Variants in ARL2 observed in about 807,000 individuals in gnomAD.
ARL2 encodes ARF like GTPase 2, also known as ADP-ribosylation factor-like protein 2.
Under a neutral mutation model 22.0 loss-of-function variants are expected in ARL2, and 11 were observed. That is an observed-to-expected ratio of 0.50 (90% CI 0.31 to 0.83). ARL2 has a LOEUF of 0.83. Ranked by LOEUF, ARL2 falls within the 40% of genes least tolerant of loss-of-function variation. The pLI is 0.04. For missense variants in ARL2, 216 were observed against 243.2 expected (o/e 0.89, Z 0.74); for synonymous variants, 111 against 100.8 (o/e 1.10, Z -0.61).
At position 65,021,976 on chromosome 11, in the gene ARL2, TGCTGCTACTGCTGCCC is replaced by T; in HGVS notation, c.*128_*143del. 7.3e-7 allele frequency: 1 copy of T among 1,368,042 alleles called. No individual in the cohort carries two copies. The highest frequency in any genetic ancestry group is 9.9e-7 in the Non-Finnish European group (1 of 1,010,744). 84.7% of individuals were successfully genotyped at this position (1,368,042 alleles called of 1,614,324 possible). On this transcript the variant is annotated 3_prime_UTR_variant, in exon 5 of 5. Transcript: ENST00000246747. ...CTCCCCCTCCTCCACCCCAGCCTGC[TGCTGCTACTGCTGCCC>T]GCTGCTGCTCTGTGGCCACCCGGCT...
chr11:65,018,686 C>T lies in ARL2; in HGVS notation c.292C>T (p.Arg98Cys), dbSNP rs753529299. The T allele has an allele frequency of 4.3e-6, 7 of 1,614,172 alleles. No homozygotes were observed. In the Admixed American group the frequency reaches 5.0e-5, roughly 12 times the overall value. ...GGTAGTGGACAGCGCAGACCGCCAGCGCATGCAGGACTGCCAGCGGGAGCT... is the reference window on the plus strand; with the variant it reads ...GGTAGTGGACAGCGCAGACCGCCAGTGCATGCAGGACTGCCAGCGGGAGCT... ...IWVVDSADRQ[R>C]MQDCQRELQS... is the part of the protein sequence containing the mutation. The change falls in exon 3 of 5, where the codon CGC becomes TGC. Residue 98 changes from arginine (R) to cysteine (C), a missense_variant. Physicochemically the swap from Arg to Cys is radical, Grantham distance 180. Transcript: ENST00000246747. The surrounding 1 kb of genome is among the most constrained non-coding windows in gnomAD (Gnocchi z 4.2).
chr11:65,020,884 A>AG (rs1565185152), intron 4 of ARL2, among the ~76,000 whole-genome samples: 2 of 150,526 alleles, frequency 1.3e-5, no homozygotes, highest in African/African-American at 5.0e-5. Flanking sequence ...AAAAAAAAAA[A>AG]AAGAAAGAAG....
rs145553607 is a variant in ARL2, at chr11:65,019,345, G to A, written c.339+612G>A. ...ATCACGAGGTCAGGAGATCGAGACC[G>A]TCCTGGCTAACATGGTGAAACCCCG... On this transcript the variant is annotated intron_variant, in intron 3 of 4. Transcript: ENST00000246747. 1,544 of 162,732 alleles carry A rather than the reference G, an allele frequency of 9.5e-3. 26 individuals are homozygous for A. Among genetic ancestry groups the A allele is most frequent in the African/African-American group, 0.035 (1,471 of 41,572 alleles). The allele number at this position is 162,732 out of a possible 1,614,324, so 10.1% of individuals were successfully genotyped here.
chr11:65,017,938 C>T (rs983809851), intron 1 of ARL2, among the ~76,000 whole-genome samples: 1 of 152,260 alleles, frequency 6.6e-6, no homozygotes, highest in Non-Finnish European at 1.5e-5. Context: ...GCTCCAGACA[C>T]CTCAGAGAGG....
chr11:65,021,093 G>A (rs1946322438), intron 4 of ARL2, among the ~76,000 whole-genome samples: 1 of 152,140 alleles, frequency 6.6e-6, no homozygotes, highest in Non-Finnish European at 1.5e-5. Context: ...TCCTTGCATG[G>A]ATTAACTCAT....
Position 65,018,612 on chromosome 11 carries a change from T to C in ARL2, c.218T>C (p.Leu73Pro). The C allele has an allele frequency of 6.2e-7, 1 of 1,613,382 alleles. No homozygotes were observed. ...TGGGATGTGGGTGGCCAGAAGTCCCTGCGGTCCTACTGGCGGAACTACTTT... is the reference window on the plus strand; with the variant it reads ...TGGGATGTGGGTGGCCAGAAGTCCCCGCGGTCCTACTGGCGGAACTACTTT... ...NIWDVGGQKSLRSYWRNYFES... is the reference protein window; with the variant it reads ...NIWDVGGQKSPRSYWRNYFES... The change falls in exon 3 of 5, where the codon CTG becomes CCG. Residue 73 changes from leucine to proline, a missense_variant. Leu to Pro is a moderately conservative substitution (Grantham distance 98, BLOSUM62 -3). Transcript: ENST00000246747. The surrounding 1 kb of genome is among the most constrained non-coding windows in gnomAD (Gnocchi z 4.2).
intron 1 of ARL2, 141 bp downstream of exon 1, chr11:65,014,413 G>C: frequency 1.5e-6 from 1 of 648,792 alleles, no homozygotes; most frequent in Non-Finnish European, 2.5e-6. Context: ...CCCATCAATC[G>C]CCCCGTCGGG....
At chr11:65,015,077 A>G (rs1590728105) in intron 1 of ARL2, among the ~76,000 whole-genome samples, 2 of 151,172 alleles carry the variant, frequency 1.3e-5, no homozygotes, top group Non-Finnish European at 3.0e-5. Context: ...AACTCTGGGA[A>G]TATAGGCATG....
At chr11:65,017,197 CT>C (rs368785196) in intron 1 of ARL2, among the ~76,000 whole-genome samples, 2,318 of 142,300 alleles carry the variant, frequency 0.016, 47 homozygotes, top group African/African-American at 0.051. Flanking sequence ...TTTGTTTGCT[CT>C]TTTTTTTTTT....
In ARL2 at chr11:65,020,511, C is replaced by T. The variant is rs1445820252; in HGVS notation, c.420+12C>T. 6.2e-7 allele frequency: 1 copy of T among 1,601,466 alleles called. No homozygotes were observed. Reference sequence around the variant, plus strand: ...ACGCCATCCGCGAGGTGAGTCCAGGCCCCGGGACAGGCTCGCTGAGGGAAA... The same window carrying T: ...ACGCCATCCGCGAGGTGAGTCCAGGTCCCGGGACAGGCTCGCTGAGGGAAA... On this transcript the variant is annotated intron_variant, in intron 4 of 4. Coordinates refer to ENST00000246747, the MANE Select transcript of ARL2 (RefSeq NM_001667.4).
chr11:65,018,718 C>A lies in ARL2; in HGVS notation c.324C>A (p.Ser108Arg), dbSNP rs554217695. 5.6e-6 allele frequency: 9 copies of A among 1,614,134 alleles called. 1 individual carries two copies. The South Asian group carries it at 9.9e-5, about 18-fold the overall frequency. ...RMQDCQRELQ[S>R]LLVEERLAGA... ...AGGACTGCCAGCGGGAGCTCCAGAGCCTGCTGGTGGAGGAGGTGGGCAGCT... is the reference window on the plus strand; with the variant it reads ...AGGACTGCCAGCGGGAGCTCCAGAGACTGCTGGTGGAGGAGGTGGGCAGCT... The change falls in exon 3 of 5, where the codon AGC (serine) becomes AGA (arginine). Residue 108 changes from serine to arginine, a missense_variant. Physicochemically the swap from Ser to Arg is moderately radical, Grantham distance 110 (BLOSUM62 -1). Coordinates refer to ENST00000246747, the MANE Select transcript of ARL2 (RefSeq NM_001667.4). The surrounding 1 kb of genome is among the most constrained non-coding windows in gnomAD (Gnocchi z 4.2).
At chr11:65,017,943 G>A (rs187861194) in intron 1 of ARL2, among the ~76,000 whole-genome samples, 14 of 152,348 alleles carry the variant, frequency 9.2e-5, no homozygotes, top group African/African-American at 3.4e-4. Flanking sequence ...AGACACCTCA[G>A]AGAGGCCTTC....
chr11:65,017,128 A>T (rs994362931), intron 1 of ARL2, among the ~76,000 whole-genome samples: 1 of 151,906 alleles, frequency 6.6e-6, no homozygotes, highest in Non-Finnish European at 1.5e-5. Flanking sequence ...CTATTTTGAG[A>T]TTTCCTGTAA....
chr11:65,015,161 T>A (rs1304873128), intron 1 of ARL2, among the ~76,000 whole-genome samples: 1 of 152,224 alleles, frequency 6.6e-6, no homozygotes, highest in Non-Finnish European at 1.5e-5. Flanking sequence ...TTGCCCAGGC[T>A]GGAGTGCAGT....
intron 4 of ARL2, chr11:65,021,461 G>A (rs1469234333): frequency 1.2e-5 from 5 of 419,356 alleles, no homozygotes; most frequent in Admixed American, 7.3e-5. Context: ...CACGATGCCC[G>A]GATCCTGGTG....
intron 1 of ARL2, among the ~76,000 whole-genome samples, chr11:65,016,238 G>A (rs1167725342): frequency 2.2e-5 from 3 of 138,670 alleles, no homozygotes; most frequent in Non-Finnish European, 4.7e-5. Context: ...GAGTACATGA[G>A]GGAGGCGAGG....
At position 65,018,744 on chromosome 11, in the gene ARL2, C is replaced by G; in HGVS notation, c.339+11C>G. The G allele has an allele frequency of 6.2e-7, 1 of 1,613,740 alleles. No individual in the cohort carries two copies. The highest frequency in any genetic ancestry group is 8.5e-7 in the Non-Finnish European group (1 of 1,179,996). The stretch of plus-strand genomic sequence containing the variant: ...CTGCTGGTGGAGGAGGTGGGCAGCT[C>G]CTACCCTTTGTGTACATGTATGGAC... On this transcript the variant is annotated intron_variant, in intron 3 of 4. Coordinates refer to ENST00000246747, the MANE Select transcript of ARL2 (RefSeq NM_001667.4). The surrounding 1 kb of genome is among the most constrained non-coding windows in gnomAD (Gnocchi z 4.2).
chr11:65,017,323 G>C (rs905541237), intron 1 of ARL2, among the ~76,000 whole-genome samples: 1 of 151,840 alleles, frequency 6.6e-6, no homozygotes, highest in African/African-American at 2.4e-5. Flanking sequence ...AGCCTCCCGA[G>C]TAGCTGGGAC....
chr11:65,020,108 C>T (rs1489179710), intron 3 of ARL2, among the ~76,000 whole-genome samples: 3 of 152,206 alleles, frequency 2.0e-5, no homozygotes, highest in Non-Finnish European at 4.4e-5. Flanking sequence ...TCTAGAACCA[C>T]GGAGAGCTCA....
Sources: gnomAD v4.1 joint callset for allele counts (sites outside exome capture counted in the v4.1 genomes callset) on GRCh38, gnomAD v4.1.1 for gene constraint, Gnocchi (gnomAD v3.1) non-coding constraint, MANE v1.5 for transcripts, NCBI Gene and HGNC (gene_info 2026-07-23, HGNC 2026-07-21) for gene names.